The following TAOK3 variants were observed in gnomAD, a reference collection of about 807,000 sequenced individuals.
TAOK3 encodes the protein serine/threonine-protein kinase TAO3.
Under a neutral mutation model 120.4 loss-of-function variants are expected in TAOK3, and 40 were observed. The ratio of observed to expected loss-of-function variants is 0.33; its 90% CI spans 0.26 to 0.43. The LOEUF is 0.43. Ranked by LOEUF, TAOK3 falls within the 20% of genes least tolerant of loss-of-function variation. The pLI is 1.00. For synonymous variants in TAOK3, 355 were observed against 387.5 expected (o/e 0.92, Z 0.99); for missense variants, 821 against 1,112.1 (o/e 0.74, Z 3.72).
intron 17 of TAOK3, among the ~76,000 whole-genome samples, chr12:118,165,626 G>C (rs959820275): frequency 1.4e-4 from 22 of 152,176 alleles, no homozygotes; most frequent in African/African-American, 5.1e-4. Flanking sequence ...GTCAGTTTCA[G>C]CTCCTCTATA....
intron 1 of TAOK3, among the ~76,000 whole-genome samples, chr12:118,289,107 C>T (rs1017971593): frequency 6.6e-6 from 1 of 151,516 alleles, no homozygotes; most frequent in African/African-American, 2.4e-5. Context: ...CAAGAAACAG[C>T]TTGGCCAACA....
Position 118,161,664 on chromosome 12 carries a change from T to A in TAOK3, c.2139+124A>T. ...AGACTCTGTGCTTTGCAACTGGAGA[T>A]TCTGATACAATAGGTGTGGGGTGCA... On this transcript the variant is annotated intron_variant, in intron 18 of 20. Transcript: ENST00000392533. The surrounding 1 kb of genome is among the most constrained non-coding windows in gnomAD (Gnocchi z 4.5). 4 of 1,285,374 alleles carry A rather than the reference T, an allele frequency of 3.1e-6. No individual in the cohort carries two copies. Among genetic ancestry groups the A allele is most frequent in the Non-Finnish European group, 4.3e-6 (4 of 920,118 alleles). The allele number at this position is 1,285,374 out of a possible 1,614,324, so 79.6% of individuals were successfully genotyped here.
intron 9 of TAOK3, among the ~76,000 whole-genome samples, chr12:118,215,894 ATT>A (rs1177263025): frequency 1.1e-4 from 15 of 142,096 alleles, no homozygotes; most frequent in Admixed American, 2.1e-4. Flanking sequence ...AATTTAAACA[ATT>A]TTTTTTTTTT....
At chr12:118,368,442 C>T (rs2045802787) in intron 1 of TAOK3, among the ~76,000 whole-genome samples, 1 of 151,754 alleles carries the variant, frequency 6.6e-6, no homozygotes, top group Non-Finnish European at 1.5e-5. Context: ...AGGTGATTCA[C>T]CCGCCTTGGC....
intron 19 of TAOK3, among the ~76,000 whole-genome samples, chr12:118,157,075 A>G (rs1403789212): frequency 1.3e-5 from 2 of 152,204 alleles, no homozygotes; most frequent in East Asian, 3.9e-4. Flanking sequence ...AGAGACTGGA[A>G]GTCATCCTGA....
chr12:118,280,219 C>A (rs2042052065), intron 1 of TAOK3, among the ~76,000 whole-genome samples: 1 of 152,098 alleles, frequency 6.6e-6, no homozygotes, highest in Non-Finnish European at 1.5e-5. Flanking sequence ...CGCCACTACG[C>A]CCAGCTAATT....
chr12:118,161,752 A>G lies in TAOK3; in HGVS notation c.2139+36T>C. ...GACACTTCAGGTAGAGAAACCACTG[A>G]TCTGGTCCAACACTGTCCAGCAGCA... On this transcript the variant is annotated intron_variant, in intron 18 of 20. Coordinates refer to ENST00000392533, the MANE Select transcript of TAOK3 (RefSeq NM_016281.4). This position sits in a 1 kb window ranked among gnomAD's most constrained non-coding sequence, Gnocchi z 4.5. 1 of 1,608,946 alleles carries G rather than the reference A, an allele frequency of 6.2e-7. No individual in the cohort carries two copies. Among genetic ancestry groups the G allele is most frequent in the Non-Finnish European group, 8.5e-7 (1 of 1,176,412 alleles).
intron 1 of TAOK3, among the ~76,000 whole-genome samples, chr12:118,368,372 AT>A: frequency 6.6e-6 from 1 of 151,944 alleles, no homozygotes; most frequent in South Asian, 2.1e-4. Context: ...TAATGTTTGT[AT>A]TTTTAGTAGA....
intron 1 of TAOK3, among the ~76,000 whole-genome samples, chr12:118,299,521 A>AT (rs1207793683): frequency 6.6e-6 from 1 of 152,068 alleles, no homozygotes; most frequent in South Asian, 2.1e-4. Context: ...TTATTTATTT[A>AT]TTTTTTAAGA....
intron 9 of TAOK3, among the ~76,000 whole-genome samples, chr12:118,215,468 C>T (rs572694512): frequency 2.6e-4 from 40 of 151,748 alleles, no homozygotes; most frequent in African/African-American, 7.2e-4. Context: ...GCCAAGATCG[C>T]GCCACTGTAC....
intron 5 of TAOK3, among the ~76,000 whole-genome samples, chr12:118,240,651 T>C (rs184442088): frequency 6.6e-6 from 1 of 152,230 alleles, no homozygotes; most frequent in East Asian, 1.9e-4. Context: ...GCCCTTCTTA[T>C]CCTAGATTTT....
In TAOK3 at chr12:118,295,414, T is replaced by G. The variant is rs1237950653; in HGVS notation, c.-193-28655A>C. On this transcript the variant is annotated intron_variant, in intron 1 of 20. Coordinates refer to ENST00000392533, the MANE Select transcript of TAOK3 (RefSeq NM_016281.4). ...GACAATGAAGATTGAAAATGTGTTT[T>G]AGAGAGGATGAAATAAGAAAACATG... 2.6e-5 allele frequency: 4 copies of G among 152,198 alleles called. No homozygotes were observed. The East Asian group carries it at 7.7e-4, about 29-fold the overall frequency. The allele number at this position is 152,198 out of a possible 1,614,324, so 9.4% of individuals were successfully genotyped here.
At chr12:118,229,078 G>A (rs1049842810) in intron 9 of TAOK3, among the ~76,000 whole-genome samples, 13 of 151,354 alleles carry the variant, frequency 8.6e-5, no homozygotes, top group Non-Finnish European at 1.8e-4. Context: ...TTCTCTACTG[G>A]TTGTTTGGCT....
intron 4 of TAOK3, among the ~76,000 whole-genome samples, chr12:118,244,173 C>T (rs993804137): frequency 6.6e-6 from 1 of 152,136 alleles, no homozygotes; most frequent in African/African-American, 2.4e-5. Flanking sequence ...AGCAATCTTC[C>T]CACTTGAGCC....
chr12:118,217,828 T>C (rs1442617965), intron 9 of TAOK3, among the ~76,000 whole-genome samples: 1 of 94,058 alleles, frequency 1.1e-5, no homozygotes, highest in African/African-American at 4.5e-5. Context: ...TATATATATA[T>C]ATATATATAT....
At chr12:118,284,604 T>C (rs2042201294) in intron 1 of TAOK3, among the ~76,000 whole-genome samples, 2 of 152,098 alleles carry the variant, frequency 1.3e-5, no homozygotes, top group African/African-American at 4.8e-5. Flanking sequence ...AGGTGATGGA[T>C]AGACATACAG....
At chr12:118,175,348 C>T (rs138985214) in intron 16 of TAOK3, among the ~76,000 whole-genome samples, 279 of 152,228 alleles carry the variant, frequency 1.8e-3, no homozygotes, top group Non-Finnish European at 2.5e-3. Flanking sequence ...GAGCTCAGGC[C>T]AGGCGTGGTG....
rs1372880905 is a variant in TAOK3, at chr12:118,150,806, C to T, written c.*191G>A. On this transcript the variant is annotated 3_prime_UTR_variant, in exon 21 of 21. Coordinates refer to ENST00000392533, the MANE Select transcript of TAOK3 (RefSeq NM_016281.4). ...TTTTGGCCAGCACTGAAAGTTGACA[C>T]GGGGGGAGGAAGGGGGCCCCTGATG... is the stretch of plus-strand genomic sequence containing the variant. The T allele has an allele frequency of 1.2e-5, 7 of 598,922 alleles. No individual in the cohort carries two copies. The highest frequency in any genetic ancestry group is 3.2e-5 in the Admixed American group (1 of 30,860). 37.1% of individuals were successfully genotyped at this position (598,922 alleles called of 1,614,324 possible).
At chr12:118,347,908 G>A (rs2044942143) in intron 1 of TAOK3, among the ~76,000 whole-genome samples, 1 of 152,038 alleles carries the variant, frequency 6.6e-6, no homozygotes, top group African/African-American at 2.4e-5. Context: ...ACAAACTATT[G>A]ATAGAGTAAT....
Sources: allele counts gnomAD v4.1 joint callset (sites outside exome capture counted in the v4.1 genomes callset), GRCh38; gene constraint gnomAD v4.1.1; non-coding constraint Gnocchi (gnomAD v3.1); transcripts MANE v1.5; gene names NCBI Gene and HGNC (gene_info 2026-07-23, HGNC 2026-07-21).